Variants in EPC1 observed in about 807,000 individuals in gnomAD.
The protein encoded by EPC1 is enhancer of polycomb 1.
Under a neutral mutation model 98.4 loss-of-function variants are expected in EPC1, and 12 were observed. The ratio of observed to expected loss-of-function variants is 0.12; its 90% CI spans 0.08 to 0.20. The LOEUF (loss-of-function observed/expected upper bound fraction) is 0.20. EPC1 is among the 10% of genes least tolerant of loss of function. The pLI is 1.00. For missense variants in EPC1, 729 were observed against 990.5 expected (o/e 0.74, Z 3.54); for synonymous variants, 357 against 363.9 (o/e 0.98, Z 0.21).
chr10:32,360,746 T>C (rs904894428), intron 1 of EPC1, among the ~76,000 whole-genome samples: 19 of 151,976 alleles, frequency 1.3e-4, no homozygotes, highest in African/African-American at 4.6e-4. Context: ...ATACGAAACT[T>C]AGCCAGGCGC....
At chr10:32,297,224 GGTC>G (rs1564531552) in intron 2 of EPC1, among the ~76,000 whole-genome samples, 3 of 151,610 alleles carry the variant, frequency 2.0e-5, no homozygotes, top group African/African-American at 4.8e-5. Flanking sequence ...CAGGCAAATA[GGTC>G]ATCTTTTCTA....
Position 32,345,790 on chromosome 10 carries a change from CTTAGT to C in EPC1, c.153+968_153+972del, listed in dbSNP as rs199705970. 4.2e-3 allele frequency among the ~76,000 whole-genome samples: 634 copies of C among 152,286 alleles called. 5 individuals carry two copies. The highest frequency in any genetic ancestry group is 0.015 in the African/African-American group (604 of 41,546). ...ATTAAGATTTCTGTGAATCAAGTCA[CTTAGT>C]TTTAGTTCGGTTTTGAATAAGAAAG... is the stretch of plus-strand genomic sequence containing the variant. On this transcript the variant is annotated intron_variant, in intron 1 of 13. Transcript: ENST00000319778.
intron 10 of EPC1, among the ~76,000 whole-genome samples, chr10:32,278,371 GTTTTTTTTTTTTTGT>G (rs763218922): frequency 2.1e-4 from 22 of 102,572 alleles, no homozygotes; most frequent in Admixed American, 7.1e-4. Context: ...GTTTTTTTTT[GTTTTTTTTTTTTTGT>G]TTTTTTTTTT....
In EPC1 at chr10:32,272,172, A is replaced by G. The variant is rs1835881319; in HGVS notation, c.1864-5T>C. The G allele has an allele frequency of 6.2e-7, 1 of 1,600,526 alleles. No individual in the cohort carries two copies. The highest frequency in any genetic ancestry group is 1.8e-5 in the Admixed American group (1 of 55,986). On this transcript the variant is annotated splice_region_variant and splice_polypyrimidine_tract_variant and intron_variant, in intron 11 of 13. Coordinates refer to ENST00000319778, the MANE Select transcript of EPC1 (RefSeq NM_001272004.3). ...CAAAGTCTTAGAAACAAAACCCTAA[A>G]AAGAAAATACAAAAGAAATCTAATC...
chr10:32,346,673 C>T, intron 1 of EPC1, 90 bp downstream of exon 1: 2 of 1,271,360 alleles, frequency 1.6e-6, no homozygotes, highest in Non-Finnish European at 2.2e-6. Context: ...AGATGGCGGC[C>T]ATTTTGTGTG....
rs1592613071 is a variant in EPC1, at chr10:32,337,233, A to G, written c.153+9530T>C. Among the ~76,000 whole-genome samples the G allele has an allele frequency of 3.3e-5, 5 of 152,342 alleles. No individual in the cohort carries two copies. In the South Asian group the frequency reaches 6.2e-4, roughly 19 times the overall value. ...ATCTGGCCTCGGCCTCACTACTGAGACAATAACCCTTCTGAGGGTTCTACT... is the reference window on the plus strand; with the variant it reads ...ATCTGGCCTCGGCCTCACTACTGAGGCAATAACCCTTCTGAGGGTTCTACT... On this transcript the variant is annotated intron_variant, in intron 1 of 13. Transcript: ENST00000319778.
chr10:32,293,485 T>G (rs1592558429), intron 3 of EPC1, 107 bp downstream of exon 3: 1 of 1,067,086 alleles, frequency 9.4e-7, no homozygotes, highest in Non-Finnish European at 1.3e-6. Flanking sequence ...TTTTTAACTC[T>G]AAAGCCTGAC....
chr10:32,367,725 G>C (rs1839639676), intron 1 of EPC1, among the ~76,000 whole-genome samples: 1 of 152,182 alleles, frequency 6.6e-6, no homozygotes, highest in South Asian at 2.1e-4. Context: ...ATTGAATTCT[G>C]AGTTTGTATT....
intron 1 of EPC1, among the ~76,000 whole-genome samples, chr10:32,334,400 T>G (rs764148718): frequency 5.3e-5 from 8 of 151,568 alleles, no homozygotes; most frequent in Non-Finnish European, 8.8e-5. Flanking sequence ...GAATCTAACT[T>G]AGATGAGATT....
chr10:32,310,360 C>T (rs1440311815), intron 1 of EPC1, among the ~76,000 whole-genome samples: 2 of 152,116 alleles, frequency 1.3e-5, no homozygotes, highest in African/African-American at 4.8e-5. Flanking sequence ...ACATACCTAC[C>T]ACGTGGGATT....
intron 1 of EPC1, among the ~76,000 whole-genome samples, chr10:32,362,782 C>G (rs1016991074): frequency 6.6e-6 from 1 of 152,090 alleles, no homozygotes; most frequent in African/African-American, 2.4e-5. Context: ...ACATGGATAC[C>G]CCATCTGCTT....
chr10:32,275,736 C>T (rs1206778034), intron 10 of EPC1, among the ~76,000 whole-genome samples: 2 of 151,204 alleles, frequency 1.3e-5, no homozygotes, highest in African/African-American at 4.9e-5. Flanking sequence ...GATCGCGTCA[C>T]TGCACTCCAG....
At chr10:32,315,432 GATCATACC>G (rs1836496723) in intron 1 of EPC1, among the ~76,000 whole-genome samples, 1 of 152,056 alleles carries the variant, frequency 6.6e-6, no homozygotes, top group Non-Finnish European at 1.5e-5. Flanking sequence ...AGCAAATAAT[GATCATACC>G]ACTTAGACAT....
At chr10:32,353,521 A>G (rs115365532) in intron 1 of EPC1, among the ~76,000 whole-genome samples, 366 of 152,314 alleles carry the variant, frequency 2.4e-3, no homozygotes, top group African/African-American at 8.3e-3. Context: ...TGGTTTTGGT[A>G]GCAGGAGTCC....
upstream of EPC1, among the ~76,000 whole-genome samples, chr10:32,350,278 C>T (rs545343210): frequency 2.5e-4 from 38 of 152,252 alleles, no homozygotes; most frequent in African/African-American, 9.1e-4. Flanking sequence ...GTAGGGGATA[C>T]AAATAAAACA....
intron 1 of EPC1, among the ~76,000 whole-genome samples, chr10:32,321,339 T>C (rs1342750176): frequency 6.6e-6 from 1 of 152,026 alleles, no homozygotes; most frequent in African/African-American, 2.4e-5. Context: ...TTGCAGATCT[T>C]TAATATAGAT....
intron 11 of EPC1, 45 bp downstream of exon 11, chr10:32,273,118 G>A (rs2132641666): frequency 6.2e-7 from 1 of 1,614,090 alleles, no homozygotes; most frequent in East Asian, 2.2e-5. Flanking sequence ...ATGAACTCTG[G>A]TGGGAAACAA....
In EPC1 at chr10:32,315,360, T is replaced by C. The variant is rs566902330; in HGVS notation, c.154-9429A>G. The stretch of plus-strand genomic sequence containing the variant: ...ATCTAAAAAGAGCTATTCAAGGTTA[T>C]ATTATGCAGATTCCTAAACAAAGAT... On this transcript the variant is annotated intron_variant, in intron 1 of 13. Transcript: ENST00000319778. Among the ~76,000 whole-genome samples, 10 of 152,348 alleles carry C rather than the reference T, an allele frequency of 6.6e-5. No individual in the cohort carries two copies. In the East Asian group the frequency reaches 1.7e-3, roughly 26 times the overall value.
chr10:32,367,507 C>A (rs1839634791), intron 1 of EPC1, among the ~76,000 whole-genome samples: 1 of 152,040 alleles, frequency 6.6e-6, no homozygotes, highest in Admixed American at 6.6e-5. Context: ...CATAACAACT[C>A]AAAATTTAAA....
Sources: allele counts gnomAD v4.1 joint callset (sites outside exome capture counted in the v4.1 genomes callset), GRCh38; gene constraint gnomAD v4.1.1; transcripts MANE v1.5; gene names NCBI Gene and HGNC (gene_info 2026-07-23, HGNC 2026-07-21).